ZNF564: variants seen among roughly 807,000 people sequenced by gnomAD.
The protein encoded by ZNF564 is zinc finger protein 564.
Under a neutral mutation model 10.5 loss-of-function variants are expected in ZNF564, and 5 were observed. That is an observed-to-expected ratio of 0.48 (90% CI 0.25 to 1.00). ZNF564 has a LOEUF of 1.00. Ranked by LOEUF, ZNF564 falls within the 50% of genes least tolerant of loss-of-function variation. The probability of loss-of-function intolerance (pLI) is 0.16; values close to 1 mark genes in which losing one functional copy is unlikely to be tolerated. For missense variants in ZNF564, 603 were observed against 669.7 expected, an observed-to-expected ratio of 0.90 and a Z score of 1.10; for synonymous variants, 242 against 218.1, an observed-to-expected ratio of 1.11 and a Z score of -0.97.
intron 1 of ZNF564, among the ~76,000 whole-genome samples, chr19:12,547,244 G>C (rs2022172078): frequency 6.6e-6 from 1 of 152,100 alleles, no homozygotes; most frequent in African/African-American, 2.4e-5. Context: ...TTTGTAGAGA[G>C]ATGGTCTTAC....
At chr19:12,545,764 G>A (rs995014557) in intron 1 of ZNF564, among the ~76,000 whole-genome samples, 11 of 152,112 alleles carry the variant, frequency 7.2e-5, no homozygotes, top group African/African-American at 2.4e-4. Flanking sequence ...TCCTCATCTT[G>A]GGGTGCACCA....
intron 1 of ZNF564, among the ~76,000 whole-genome samples, chr19:12,534,958 G>C (rs2021879963): frequency 1.3e-5 from 2 of 152,044 alleles, no homozygotes; most frequent in South Asian, 4.1e-4. Context: ...CTAGAATTTA[G>C]AGTTAACCAA....
Position 12,527,159 on chromosome 19 carries a change from C to T in ZNF564, c.949G>A (p.Ala317Thr). The T allele has an allele frequency of 6.2e-7, 1 of 1,614,146 alleles. No individual in the cohort carries two copies. Among genetic ancestry groups the T allele is most frequent in the Non-Finnish European group, 8.5e-7 (1 of 1,180,016 alleles). The change falls in exon 4 of 4, where the codon GCC becomes ACC. Residue 317 changes from alanine to threonine, a missense_variant. By Grantham distance (58) the Ala-to-Thr change is moderately conservative. Transcript: ENST00000339282. ...CGAACATAACTGGGAAAAATAAAGG[C>T]TCTCCCACATACTTTACATTTATAA... ...GPYKCKVCGR[A>T]FIFPSYVRKH...
chr19:12,544,063 G>A (rs2022108517), intron 1 of ZNF564, among the ~76,000 whole-genome samples: 1 of 152,132 alleles, frequency 6.6e-6, no homozygotes, highest in South Asian at 2.1e-4. Flanking sequence ...CCAGAACTGT[G>A]AAAACTACAT....
At chr19:12,545,469 T>A (rs1392219648) in intron 1 of ZNF564, among the ~76,000 whole-genome samples, 1 of 151,896 alleles carries the variant, frequency 6.6e-6, no homozygotes, top group African/African-American at 2.4e-5. Flanking sequence ...ACAGCAGGTG[T>A]CTAACAGTTC....
chr19:12,528,526 C>A, intron 2 of ZNF564, 44 bp downstream of exon 2: 1 of 1,603,272 alleles, frequency 6.2e-7, no homozygotes, highest in Non-Finnish European at 8.5e-7. Flanking sequence ...GCAAGAAATA[C>A]TTCTTCTCTA....
At chr19:12,549,758 C>A (rs1382620867) in intron 1 of ZNF564, among the ~76,000 whole-genome samples, 1 of 152,138 alleles carries the variant, frequency 6.6e-6, no homozygotes, top group Non-Finnish European at 1.5e-5. Context: ...GAGGCCCCAC[C>A]CCTACACCTT....
intron 1 of ZNF564, among the ~76,000 whole-genome samples, chr19:12,532,025 T>C (rs544376779): frequency 2.0e-5 from 3 of 152,228 alleles, no homozygotes; most frequent in East Asian, 3.9e-4. Context: ...GCTATCTTAA[T>C]ATCACAAAGT....
chr19:12,532,389 G>T (rs1225396392), intron 1 of ZNF564, among the ~76,000 whole-genome samples: 3 of 150,748 alleles, frequency 2.0e-5, no homozygotes, highest in African/African-American at 4.9e-5. Flanking sequence ...CAAAAAATTA[G>T]CCGGGCGTGG....
intron 1 of ZNF564, among the ~76,000 whole-genome samples, chr19:12,532,534 CAAAAAAAA>C (rs35579003): frequency 2.5e-5 from 1 of 39,238 alleles, no homozygotes; most frequent in South Asian, 1.7e-3. Context: ...GACTCCGTCT[CAAAAAAAA>C]AAAAAAAAAA....
At chr19:12,547,620 T>G (rs1271440382) in intron 1 of ZNF564, among the ~76,000 whole-genome samples, 1 of 152,112 alleles carries the variant, frequency 6.6e-6, no homozygotes, top group Non-Finnish European at 1.5e-5. Flanking sequence ...CCCAGTGGTC[T>G]GTAGCTTCTC....
intron 1 of ZNF564, among the ~76,000 whole-genome samples, chr19:12,547,881 G>A (rs1215056510): frequency 6.6e-6 from 1 of 150,706 alleles, no homozygotes; most frequent in African/African-American, 2.5e-5. Context: ...GCACGATCTC[G>A]GCTCACCGCA....
intron 1 of ZNF564, among the ~76,000 whole-genome samples, chr19:12,531,703 T>C (rs1220033064): frequency 1.3e-5 from 2 of 151,942 alleles, no homozygotes; most frequent in Non-Finnish European, 2.9e-5. Flanking sequence ...TTACAAAATA[T>C]GTCACACCTC....
At chr19:12,531,879 G>T (rs1408006145) in intron 1 of ZNF564, among the ~76,000 whole-genome samples, 1 of 152,196 alleles carries the variant, frequency 6.6e-6, no homozygotes, top group African/African-American at 2.4e-5. Flanking sequence ...GAAGACAGAT[G>T]CTGTTATAGT....
At chr19:12,528,401 A>G in intron 2 of ZNF564, 37 bp from the exon 3 acceptor site, 1 of 1,583,684 alleles carries the variant, frequency 6.3e-7, no homozygotes, top group Non-Finnish European at 8.6e-7. Context: ...ATGAACTGAT[A>G]GACATTACAG....
At chr19:12,540,406 G>T (rs2022018915) in intron 1 of ZNF564, among the ~76,000 whole-genome samples, 1 of 152,168 alleles carries the variant, frequency 6.6e-6, no homozygotes, top group Admixed American at 6.5e-5. Context: ...TGAGCATCAA[G>T]CCATTGAAGT....
At chr19:12,530,901 G>C (rs1363580369) in intron 1 of ZNF564, among the ~76,000 whole-genome samples, 2 of 152,110 alleles carry the variant, frequency 1.3e-5, no homozygotes, top group Non-Finnish European at 2.9e-5. Context: ...CAAGTAGCTA[G>C]AACTATAGTC....
chr19:12,535,318 A>C (rs532827241), intron 1 of ZNF564, among the ~76,000 whole-genome samples: 79 of 152,136 alleles, frequency 5.2e-4, no homozygotes, highest in Non-Finnish European at 9.4e-4. Context: ...GGTTGCAGTG[A>C]GCCAAGATCA....
chr19:12,539,907 G>A (rs2022006719), intron 1 of ZNF564, among the ~76,000 whole-genome samples: 1 of 151,484 alleles, frequency 6.6e-6, no homozygotes, highest in Non-Finnish European at 1.5e-5. Context: ...CGTGAATCTG[G>A]GAGGCGGAGC....
Sources: allele counts gnomAD v4.1 joint callset (sites outside exome capture counted in the v4.1 genomes callset), GRCh38; gene constraint gnomAD v4.1.1; transcripts MANE v1.5; gene names NCBI Gene and HGNC (gene_info 2026-07-23, HGNC 2026-07-21).